The following PAMR1 variants were observed in gnomAD, a reference collection of about 807,000 sequenced individuals.
The protein encoded by PAMR1 is peptidase domain containing associated with muscle regeneration 1, also known as inactive serine protease PAMR1.
Under a neutral mutation model 81.8 loss-of-function variants are expected in PAMR1, and 88 were observed. The observed-to-expected ratio is 1.08, with a 90% CI of 0.91 to 1.28. The LOEUF is 1.28. Ranked by LOEUF, PAMR1 falls within the 50% of genes most tolerant of loss-of-function variation. PAMR1 has a pLI of 0.00. For missense variants in PAMR1, 935 were observed against 919.7 expected (o/e 1.02, Z -0.21); for synonymous variants, 336 against 345.3 (o/e 0.97, Z 0.30).
chr11:35,501,720 T>C (rs1053592303), intron 1 of PAMR1, among the ~76,000 whole-genome samples: 22 of 152,304 alleles, frequency 1.4e-4, no homozygotes, highest in Admixed American at 1.0e-3. Flanking sequence ...TCACCTAACA[T>C]GATAACCTTC....
intron 9 of PAMR1, 63 bp downstream of exon 9, chr11:35,435,840 G>C (rs905528578): frequency 7.8e-5 from 99 of 1,263,212 alleles, no homozygotes; most frequent in Non-Finnish European, 1.1e-4. Context: ...AGGGTTAATG[G>C]TTTTTCTCAG....
chr11:35,469,647 G>A (rs913055892), intron 5 of PAMR1, among the ~76,000 whole-genome samples: 7 of 152,158 alleles, frequency 4.6e-5, no homozygotes, highest in East Asian at 1.9e-4. Context: ...GGGGTAGACC[G>A]GGGAGCAGGG....
chr11:35,520,939 C>A (rs755836976), intron 1 of PAMR1, among the ~76,000 whole-genome samples: 7 of 152,128 alleles, frequency 4.6e-5, no homozygotes, highest in Non-Finnish European at 7.4e-5. Context: ...CCAGTATAAC[C>A]CAGATGTGGA....
intron 7 of PAMR1, among the ~76,000 whole-genome samples, chr11:35,440,007 C>T (rs181504066): frequency 8.5e-5 from 13 of 152,306 alleles, no homozygotes; most frequent in African/African-American, 3.1e-4. Flanking sequence ...AATTAGCAAA[C>T]TTGATCAAAA....
intron 3 of PAMR1, among the ~76,000 whole-genome samples, chr11:35,480,003 G>C (rs1248299280): frequency 6.6e-6 from 1 of 152,156 alleles, no homozygotes; most frequent in Non-Finnish European, 1.5e-5. Flanking sequence ...CTCAGCCTGT[G>C]AGTTGACATA....
Position 35,434,937 on chromosome 11 carries a change from C to T in PAMR1, c.1334-133G>A, listed in dbSNP as rs531094749. 6.2e-5 allele frequency: 49 copies of T among 793,552 alleles called. No individual in the cohort carries two copies. The East Asian group carries it at 1.2e-3, about 19-fold the overall frequency. The allele number at this position is 793,552 out of a possible 1,614,324, so 49.2% of individuals were successfully genotyped here. On this transcript the variant is annotated intron_variant, in intron 9 of 10. Transcript: ENST00000619888. ...CATGATGACCACTAAGATAAGTAACCCAGTTTTCTTCTGCATTTAAATATT... is the reference window on the plus strand; with the variant it reads ...CATGATGACCACTAAGATAAGTAACTCAGTTTTCTTCTGCATTTAAATATT...
intron 1 of PAMR1, among the ~76,000 whole-genome samples, chr11:35,524,651 T>C (rs1996370): frequency 0.33 from 50,737 of 151,898 alleles, 8,741 homozygotes; most frequent in Non-Finnish European, 0.38. Flanking sequence ...CCTGCCCTCA[T>C]CTCATGAGGT....
chr11:35,432,960 C>T, intron 10 of PAMR1, 68 bp from the exon 11 acceptor site: 1 of 1,397,696 alleles, frequency 7.2e-7, no homozygotes, highest in South Asian at 1.4e-5. Flanking sequence ...ACAGACAAGG[C>T]TTGGAGCTAA....
rs1387995176 is a variant in PAMR1 at position 35,475,950 on chromosome 11, A to T, written c.380-1206T>A. ...AAACTTGGATGCATAGTTATATTCA[A>T]TAACTCCCCAAAAGTACAAAATTTC... On this transcript the variant is annotated intron_variant, in intron 3 of 10. Transcript: ENST00000619888. 2.6e-5 allele frequency among the ~76,000 whole-genome samples: 4 copies of T among 152,232 alleles called. No individual in the cohort carries two copies. In the East Asian group the frequency reaches 7.7e-4, roughly 29 times the overall value.
intron 8 of PAMR1, among the ~76,000 whole-genome samples, chr11:35,438,652 G>A (rs192658730): frequency 1.3e-5 from 2 of 152,308 alleles, no homozygotes; most frequent in East Asian, 3.9e-4. Context: ...GAACAAAACA[G>A]ATAATGTTCC....
chr11:35,448,065 GC>G (rs1412192340), intron 6 of PAMR1, among the ~76,000 whole-genome samples: 1 of 152,118 alleles, frequency 6.6e-6, no homozygotes, highest in African/African-American at 2.4e-5. Flanking sequence ...CTCTCTGGCT[GC>G]CCTTAACATT....
upstream of PAMR1, chr11:35,530,036 C>T (rs2135434577): frequency 6.6e-6 from 1 of 152,362 alleles, no homozygotes; most frequent in Non-Finnish European, 1.5e-5. Context: ...CCAGCTATCA[C>T]TTCTGCAGAT....
chr11:35,517,550 C>T (rs1401297798), intron 1 of PAMR1, among the ~76,000 whole-genome samples: 2 of 152,196 alleles, frequency 1.3e-5, no homozygotes, highest in Admixed American at 1.3e-4. Context: ...GCTCTGTGGT[C>T]AAACAACTTT....
At position 35,494,753 on chromosome 11, in the gene PAMR1, A is replaced by G. The variant is rs374429974; in HGVS notation, c.74-481T>C. Among the ~76,000 whole-genome samples the G allele has an allele frequency of 3.0e-4, 45 of 152,304 alleles. No homozygotes were observed. In the East Asian group the frequency reaches 7.1e-3, roughly 24 times the overall value. On this transcript the variant is annotated intron_variant, in intron 1 of 10. Transcript: ENST00000619888. ...GAATTCTTCCCAGGCCAATGTCTCC[A>G]AAGTAGGGAGACCTACCCCAAGGAA...
At chr11:35,449,970 G>A (rs1192005546) in intron 6 of PAMR1, among the ~76,000 whole-genome samples, 1 of 151,808 alleles carries the variant, frequency 6.6e-6, no homozygotes, top group Non-Finnish European at 1.5e-5. Context: ...AGCTGAAAGT[G>A]CAGGATTCAC....
chr11:35,449,557 T>A (rs1856368264), intron 6 of PAMR1, among the ~76,000 whole-genome samples: 1 of 152,168 alleles, frequency 6.6e-6, no homozygotes, highest in South Asian at 2.1e-4. Flanking sequence ...AACCGTCCGA[T>A]CTTTCTGGAC....
At position 35,470,620 on chromosome 11, in the gene PAMR1, G is replaced by A. The variant is rs748243935; in HGVS notation, c.693C>T (p.Ala231=). 6.2e-7 allele frequency: 1 copy of A among 1,613,942 alleles called. No individual in the cohort carries two copies. The highest frequency in any genetic ancestry group is 8.5e-7 in the Non-Finnish European group (1 of 1,179,874). ...CTTTACCTGTGATCTCCTCATAAAT[G>A]GCATGGAAACCGTCAAAATTCTTGG... ...DGSKNFDGFH[A]IYEEITACSS... Residue 231 remains alanine (A), a synonymous_variant, in exon 5 of 11, where the codon GCC becomes GCT. Transcript: ENST00000619888.
chr11:35,465,534 A>G (rs1038443397), intron 6 of PAMR1, among the ~76,000 whole-genome samples: 30 of 152,396 alleles, frequency 2.0e-4, no homozygotes, highest in Middle Eastern at 3.4e-3. Context: ...CTCAGAAATT[A>G]TAACATAAAC....
chr11:35,432,779 G>T lies in PAMR1; in HGVS notation c.1740C>A (p.Cys580Ter). ...ARISTRVQPI[C>*]LAASRDLSTS... ...TGCTGAGATCCCGACTGGCAGCGAG[G>T]CAGATGGGCTGGACTCGGGTGCTGA... Residue 580 changes from cysteine to a stop codon, truncating the protein, a stop_gained, in exon 11 of 11, where the codon TGC (cysteine) becomes TGA (stop). Coordinates refer to ENST00000619888, the MANE Select transcript of PAMR1 (RefSeq NM_001001991.3). LOFTEE classifies it high-confidence loss of function. 6.2e-7 allele frequency: 1 copy of T among 1,612,432 alleles called. No homozygotes were observed. Among genetic ancestry groups the T allele is most frequent in the South Asian group, 1.1e-5 (1 of 91,070 alleles).
Sources: allele counts gnomAD v4.1 joint callset (sites outside exome capture counted in the v4.1 genomes callset), GRCh38; gene constraint gnomAD v4.1.1; transcripts MANE v1.5; gene names NCBI Gene and HGNC (gene_info 2026-07-23, HGNC 2026-07-21).